The following PRKG1 variants were observed in gnomAD, a reference collection of about 807,000 sequenced individuals.
PRKG1 encodes the protein protein kinase cGMP-dependent 1.
Under a neutral mutation model 88.1 loss-of-function variants are expected in PRKG1, and 35 were observed. The observed-to-expected ratio is 0.40, with a 90% CI of 0.30 to 0.53. The LOEUF (loss-of-function observed/expected upper bound fraction) is 0.53, where lower values mean the gene tolerates loss of function less well. PRKG1 is among the 20% of genes least tolerant of loss of function. The probability of loss-of-function intolerance (pLI) is 0.59; values close to 1 mark genes in which losing one functional copy is unlikely to be tolerated. For missense variants in PRKG1, 540 were observed against 839.8 expected (o/e 0.64, Z 4.41); for synonymous variants, 303 against 292.5 (o/e 1.04, Z -0.37).
At chr10:51,028,415 A>G (rs1488578405) in intron 1 of PRKG1, among the ~76,000 whole-genome samples, 2 of 152,162 alleles carry the variant, frequency 1.3e-5, no homozygotes, top group African/African-American at 4.8e-5. Context: ...GCCTTCATGT[A>G]AGTTGGCCAG....
At chr10:51,364,689 T>G (rs1379171713) in intron 2 of PRKG1, among the ~76,000 whole-genome samples, 1 of 151,102 alleles carries the variant, frequency 6.6e-6, no homozygotes, top group Non-Finnish European at 1.5e-5. Context: ...AACCTATAGA[T>G]AGAAAAAAAT....
At chr10:52,186,740 A>G (rs753518805) in intron 9 of PRKG1, among the ~76,000 whole-genome samples, 5 of 152,152 alleles carry the variant, frequency 3.3e-5, no homozygotes, top group Non-Finnish European at 7.3e-5. Context: ...AGGAGCCAAA[A>G]TCACCCTCAT....
At chr10:51,107,810 C>CAAAAAA (rs150587434) in intron 1 of PRKG1, among the ~76,000 whole-genome samples, 6 of 63,292 alleles carry the variant, frequency 9.5e-5, no homozygotes, top group Admixed American at 2.0e-4. Context: ...AACCCTGTCT[C>CAAAAAA]AAAAAAAAAA....
At chr10:51,759,876 C>T (rs954669671) in intron 3 of PRKG1, among the ~76,000 whole-genome samples, 3 of 152,050 alleles carry the variant, frequency 2.0e-5, no homozygotes, top group Non-Finnish European at 4.4e-5. Context: ...TCTTTCTGGT[C>T]CCATAAAGGT....
chr10:51,569,774 A>G (rs528486254), intron 3 of PRKG1, among the ~76,000 whole-genome samples: 1 of 152,092 alleles, frequency 6.6e-6, no homozygotes, highest in East Asian at 1.9e-4. Context: ...TGTTTCTTTA[A>G]CTATTAATTT....
chr10:51,469,536 T>TTA (rs1839992758), intron 3 of PRKG1, among the ~76,000 whole-genome samples: 2 of 151,890 alleles, frequency 1.3e-5, no homozygotes, highest in Non-Finnish European at 2.9e-5. Flanking sequence ...TCAGTTTTCT[T>TTA]ATTAGAGTTC....
chr10:52,171,125 GT>G (rs768183110), intron 9 of PRKG1, among the ~76,000 whole-genome samples: 9,688 of 79,802 alleles, frequency 0.12, 653 homozygotes, highest in East Asian at 0.34. Context: ...TTATTGGTGT[GT>G]TTTTTTTTTT....
intron 2 of PRKG1, among the ~76,000 whole-genome samples, chr10:51,188,615 A>C (rs1297294474): frequency 6.6e-6 from 1 of 152,034 alleles, no homozygotes; most frequent in Non-Finnish European, 1.5e-5. Context: ...AGACACAGTC[A>C]CATTTTAAAA....
intron 2 of PRKG1, among the ~76,000 whole-genome samples, chr10:51,361,677 C>A (rs1445078271): frequency 2.0e-5 from 3 of 151,654 alleles, no homozygotes; most frequent in Non-Finnish European, 4.4e-5. Flanking sequence ...TTCTGAAATG[C>A]CAAATTATTA....
chr10:51,216,520 C>A (rs1379647019), intron 2 of PRKG1, among the ~76,000 whole-genome samples: 1 of 149,620 alleles, frequency 6.7e-6, no homozygotes, highest in Admixed American at 6.7e-5. Context: ...TTTTAAAAAA[C>A]CCGAATATAA....
rs547641023 is a variant in PRKG1 at position 51,920,256 on chromosome 10, C to T, written c.762+12686C>T. On this transcript the variant is annotated intron_variant, in intron 5 of 17. Coordinates refer to ENST00000373980, the MANE Select transcript of PRKG1 (RefSeq NM_006258.4). ...CATCCTTCTCCTTTCCCTATCCATCCCAGGGAGATATAACAAAGGCCAAAC... is the reference window on the plus strand; with the variant it reads ...CATCCTTCTCCTTTCCCTATCCATCTCAGGGAGATATAACAAAGGCCAAAC... 2.0e-5 allele frequency among the ~76,000 whole-genome samples: 3 copies of T among 152,144 alleles called. No homozygotes were observed. The South Asian group carries it at 6.2e-4, about 32-fold the overall frequency.
chr10:52,213,193 A>G (rs2132807797), intron 9 of PRKG1, among the ~76,000 whole-genome samples: 1 of 152,260 alleles, frequency 6.6e-6, no homozygotes, highest in South Asian at 2.1e-4. Flanking sequence ...AAATAAAAAT[A>G]AAACTCTTAC....
chr10:51,897,839 G>C (rs1049796463), intron 4 of PRKG1, among the ~76,000 whole-genome samples: 2 of 151,584 alleles, frequency 1.3e-5, no homozygotes, highest in Admixed American at 1.3e-4. Flanking sequence ...CTACTTTACA[G>C]TTTATTCTCC....
At chr10:51,631,506 C>G (rs1253878145) in intron 3 of PRKG1, among the ~76,000 whole-genome samples, 1 of 152,208 alleles carries the variant, frequency 6.6e-6, no homozygotes, top group Non-Finnish European at 1.5e-5. Context: ...TTAATTGTCA[C>G]TTACCATTCA....
chr10:51,945,519 G>T (rs1843008957), intron 5 of PRKG1, among the ~76,000 whole-genome samples: 1 of 151,744 alleles, frequency 6.6e-6, no homozygotes, highest in Admixed American at 6.6e-5. Flanking sequence ...TGGTTATTTT[G>T]CTCATTAGTT....
chr10:51,796,018 T>C (rs1839001385), intron 3 of PRKG1, among the ~76,000 whole-genome samples: 2 of 152,086 alleles, frequency 1.3e-5, no homozygotes, highest in Non-Finnish European at 2.9e-5. Flanking sequence ...ACAACTAAAA[T>C]TGAAAACCAG....
chr10:51,945,554 T>G (rs1412498435), intron 5 of PRKG1, among the ~76,000 whole-genome samples: 1 of 151,984 alleles, frequency 6.6e-6, no homozygotes, highest in South Asian at 2.1e-4. Context: ...CTAGCCTCGA[T>G]GGTCTTTACA....
chr10:51,177,779 G>A (rs545480117), intron 2 of PRKG1, among the ~76,000 whole-genome samples: 12 of 151,852 alleles, frequency 7.9e-5, no homozygotes, highest in Admixed American at 5.9e-4. Flanking sequence ...TGGGATTAAT[G>A]TATTAAATTT....
At chr10:51,656,450 T>C (rs1316739323) in intron 3 of PRKG1, among the ~76,000 whole-genome samples, 1 of 152,158 alleles carries the variant, frequency 6.6e-6, no homozygotes, top group Non-Finnish European at 1.5e-5. Context: ...TAGTGTGTTA[T>C]GTGGAAACAG....
Sources: allele counts gnomAD v4.1 joint callset (sites outside exome capture counted in the v4.1 genomes callset), GRCh38; gene constraint gnomAD v4.1.1; transcripts MANE v1.5; gene names NCBI Gene and HGNC (gene_info 2026-07-23, HGNC 2026-07-21).